CNTRL: variants seen among roughly 807,000 people sequenced by gnomAD.
CNTRL encodes 110 kDa centrosomal protein.
A neutral mutation model predicts 303.7 loss-of-function variants in CNTRL; 233 were observed. The ratio of observed to expected loss-of-function variants is 0.77; its 90% CI spans 0.69 to 0.86. The LOEUF is 0.86. Ranked by LOEUF, CNTRL falls within the 40% of genes least tolerant of loss-of-function variation. CNTRL has a pLI of 0.00. For synonymous variants in CNTRL, 900 were observed against 922.2 expected (o/e 0.98, Z 0.44); for missense variants, 2,524 against 2,650.6 (o/e 0.95, Z 1.05).
intron 12 of CNTRL, among the ~76,000 whole-genome samples, chr9:121,119,416 C>A (rs1279355508): frequency 6.6e-6 from 1 of 151,952 alleles, no homozygotes; most frequent in African/African-American, 2.4e-5. Flanking sequence ...CTGCCTCAGC[C>A]TCCCGAGTAG....
At chr9:121,138,751 C>G in intron 16 of CNTRL, 72 bp downstream of exon 16, 2 of 1,493,030 alleles carry the variant, frequency 1.3e-6, no homozygotes, top group Non-Finnish European at 1.8e-6. Context: ...TAGTCAGGCA[C>G]TTAGCAACCT....
Position 121,118,434 on chromosome 9 carries a change from T to C in CNTRL, c.1544T>C (p.Leu515Pro), listed in dbSNP as rs1184474192. ...AAATTACGCCAGGAAGCTCTGGATC[T>C]AGAACTGCAGATGGAAAAGCAAAAG... ...VNKLRQEALD[L>P]ELQMEKQKQE... Residue 515 changes from leucine to proline, a missense_variant, in exon 12 of 44, where the codon CTA becomes CCA. Coordinates refer to ENST00000373855, the MANE Select transcript of CNTRL (RefSeq NM_007018.6). The C allele has an allele frequency of 6.2e-7, 1 of 1,613,530 alleles. No homozygotes were observed. The highest frequency in any genetic ancestry group is 1.1e-5 in the South Asian group (1 of 91,012).
At chr9:121,135,641 A>T (rs1336785496) in intron 14 of CNTRL, among the ~76,000 whole-genome samples, 165 bp from the exon 15 acceptor site, 1 of 152,186 alleles carries the variant, frequency 6.6e-6, no homozygotes, top group Non-Finnish European at 1.5e-5. Context: ...TCCAACCAGG[A>T]TATGCACAAC....
At position 121,099,271 on chromosome 9, in the gene CNTRL, G is replaced by T. The variant is rs190603961; in HGVS notation, c.808+699G>T. On this transcript the variant is annotated intron_variant, in intron 7 of 43. Coordinates refer to ENST00000373855, the MANE Select transcript of CNTRL (RefSeq NM_007018.6). ...ATATGCCGTTCTGCAGCCTCCACTGGTGATACCCAGGCAAACAGGGTCTGG... is the reference window on the plus strand; with the variant it reads ...ATATGCCGTTCTGCAGCCTCCACTGTTGATACCCAGGCAAACAGGGTCTGG... 8.6e-3 allele frequency among the ~76,000 whole-genome samples: 1,311 copies of T among 152,260 alleles called. 24 individuals are homozygous for T. The highest frequency in any genetic ancestry group is 0.03 in the African/African-American group (1,236 of 41,532).
Position 121,161,960 on chromosome 9 carries a change from G to T in CNTRL, c.5194G>T (p.Ala1732Ser), listed in dbSNP as rs1449770604. 1 of 1,613,990 alleles carries T rather than the reference G, an allele frequency of 6.2e-7. No homozygotes were observed. The highest frequency in any genetic ancestry group is 1.1e-5 in the South Asian group (1 of 91,076). The change falls in exon 33 of 44, where the codon GCA (alanine) becomes TCA (serine). Residue 1732 changes from alanine to serine, a missense_variant. Transcript: ENST00000373855. ...ATCTGAATTAGAGAAGACTCAGGTG[G>T]CAGTGCTAGAGGTAATGAACAAAGC... ...RVSELEKTQVAVLEEKLELEN... is the reference protein window; with the variant it reads ...RVSELEKTQVSVLEEKLELEN...
intron 31 of CNTRL, among the ~76,000 whole-genome samples, chr9:121,159,837 T>A (rs922288980): frequency 6.6e-6 from 1 of 152,164 alleles, no homozygotes; most frequent in Non-Finnish European, 1.5e-5. Flanking sequence ...GCCTTACCAC[T>A]CAACAAGGTA....
chr9:121,107,801 G>A lies in CNTRL; in HGVS notation c.809-1G>A. On this transcript the variant is annotated splice_acceptor_variant, in intron 7 of 43. Coordinates refer to ENST00000373855, the MANE Select transcript of CNTRL (RefSeq NM_007018.6). LOFTEE classifies it high-confidence loss of function. Reference sequence around the variant, plus strand: ...ATAAACTATTAAATTTTCATTGGCAGAAGAGGTAGAAAGACTGGAAAGAGA... The same window carrying A: ...ATAAACTATTAAATTTTCATTGGCAAAAGAGGTAGAAAGACTGGAAAGAGA... The A allele has an allele frequency of 6.6e-7, 1 of 1,524,788 alleles. No individual in the cohort carries two copies. Among genetic ancestry groups the A allele is most frequent in the Non-Finnish European group, 8.8e-7 (1 of 1,139,650 alleles). 94.5% of individuals were successfully genotyped at this position (1,524,788 alleles called of 1,614,324 possible).
chr9:121,145,812 C>A lies in CNTRL; in HGVS notation c.3311-296C>A, dbSNP rs151070379. On this transcript the variant is annotated intron_variant, in intron 22 of 43. Transcript: ENST00000373855. ...TCGGGAAGGTGAGGCAGGAGAATCA[C>A]TTGAACCTGGGAGGCAGAGGTTGGC... Among the ~76,000 whole-genome samples, 4 of 152,160 alleles carry A rather than the reference C, an allele frequency of 2.6e-5. No individual in the cohort carries two copies. In the East Asian group the frequency reaches 7.7e-4, roughly 29 times the overall value.
At position 121,136,414 on chromosome 9, in the gene CNTRL, A is replaced by G. The variant is rs544535615; in HGVS notation, c.2202+432A>G. Among the ~76,000 whole-genome samples the G allele has an allele frequency of 3.3e-5, 5 of 151,906 alleles. No homozygotes were observed. The South Asian group carries it at 8.3e-4, about 25-fold the overall frequency. ...AACCTCCGCCTCCTGGGTTCAAGTG[A>G]TTTTCCTGCCTCAGCCTCCTGAGTA... On this transcript the variant is annotated intron_variant, in intron 15 of 43. Transcript: ENST00000373855.
At chr9:121,117,933 C>T (rs909741758) in intron 11 of CNTRL, among the ~76,000 whole-genome samples, 3 of 151,194 alleles carry the variant, frequency 2.0e-5, no homozygotes, top group Non-Finnish European at 2.9e-5. Context: ...GAGCCGAGAT[C>T]GCGCCACTGC....
intron 14 of CNTRL, among the ~76,000 whole-genome samples, chr9:121,131,053 A>G (rs549062379): frequency 1.7e-4 from 26 of 152,306 alleles, no homozygotes; most frequent in Non-Finnish European, 2.6e-4. Context: ...ACTTCCAACT[A>G]TGTGGTCAAT....
At position 121,158,962 on chromosome 9, in the gene CNTRL, C is replaced by T. The variant is rs747713794; in HGVS notation, c.4872C>T (p.Leu1624=). ...GCATGGTCCAGGCAAAAGCTGACCT[C>T]CAGGAAGCTCTGAGACTGGGAGAGA... is the stretch of plus-strand genomic sequence containing the variant. ...QGSMVQAKAD[L]QEALRLGETE... Residue 1624 remains leucine (L), a synonymous_variant, in exon 31 of 44, where the codon CTC becomes CTT. Coordinates refer to ENST00000373855, the MANE Select transcript of CNTRL (RefSeq NM_007018.6). The T allele has an allele frequency of 6.2e-7, 1 of 1,614,138 alleles. No homozygotes were observed. The highest frequency in any genetic ancestry group is 8.5e-7 in the Non-Finnish European group (1 of 1,180,004).
intron 12 of CNTRL, chr9:121,121,769 C>T (rs1275346391): frequency 2.0e-6 from 2 of 985,224 alleles, no homozygotes; most frequent in Non-Finnish European, 2.4e-6. Flanking sequence ...GGCCGCCGCT[C>T]ACTCTTGGCC....
At chr9:121,107,200 C>G (rs529749703) in intron 7 of CNTRL, among the ~76,000 whole-genome samples, 1 of 151,930 alleles carries the variant, frequency 6.6e-6, no homozygotes, top group African/African-American at 2.4e-5. Flanking sequence ...TGCAAAATAG[C>G]CCAGTAGGAG....
intron 35 of CNTRL, among the ~76,000 whole-genome samples, chr9:121,165,697 TTG>T: frequency 6.6e-6 from 1 of 152,338 alleles, no homozygotes; most frequent in East Asian, 1.9e-4. Context: ...CTTAGTTTTC[TTG>T]TGACTGCTTA....
intron 43 of CNTRL, among the ~76,000 whole-genome samples, chr9:121,175,484 G>T (rs935772556): frequency 6.6e-6 from 1 of 152,138 alleles, no homozygotes; most frequent in Non-Finnish European, 1.5e-5. Context: ...GCCAGGGCTG[G>T]TCTCAAACTC....
chr9:121,075,522 A>T (rs960691165), intron 1 of CNTRL, among the ~76,000 whole-genome samples: 1 of 152,134 alleles, frequency 6.6e-6, no homozygotes, highest in African/African-American at 2.4e-5. Context: ...GGATATGGGG[A>T]CGAAATGCTA....
Position 121,144,007 on chromosome 9 carries a change from T to C in CNTRL, c.2976T>C (p.Ala992=). The C allele has an allele frequency of 6.2e-7, 1 of 1,614,024 alleles. No individual in the cohort carries two copies. The change falls in exon 20 of 44, where the codon GCT becomes GCC. Residue 992 remains alanine, a synonymous_variant. Transcript: ENST00000373855. ...CCACCTCTGATAAGCTAGCCACAGC[T>C]GAGCTCACCATTGCCAAAGACCAGC... is the stretch of plus-strand genomic sequence containing the variant. The part of the protein sequence containing the change: ...AVATSDKLAT[A]ELTIAKDQLK...
intron 32 of CNTRL, among the ~76,000 whole-genome samples, chr9:121,161,127 TGTGAGAGTGTGTGTGTGTGCGCGC>T (rs1483667288): frequency 1.1e-5 from 1 of 91,708 alleles, no homozygotes; most frequent in Non-Finnish European, 2.4e-5. Flanking sequence ...TTTTAAAATG[TGTGAGAGTGTGTGTGTGTGCGCGC>T]GTGCTCACGC....
Sources: gnomAD v4.1 joint callset for allele counts (sites outside exome capture counted in the v4.1 genomes callset) on GRCh38, gnomAD v4.1.1 for gene constraint, MANE v1.5 for transcripts, NCBI Gene and HGNC (gene_info 2026-07-23, HGNC 2026-07-21) for gene names.